ANKRD42: variants seen among roughly 807,000 people sequenced by gnomAD.
ANKRD42 encodes the protein ankyrin repeat domain-containing protein 42.
ANKRD42 carries 43 observed loss-of-function variants against 51.5 expected under a neutral mutation model. The ratio of observed to expected loss-of-function variants is 0.83; its 90% CI spans 0.65 to 1.08. ANKRD42 has a LOEUF of 1.08. ANKRD42 is among the 50% of genes least tolerant of loss of function. The pLI is 0.00. For missense variants in ANKRD42, 608 were observed against 629.3 expected, an observed-to-expected ratio of 0.97 and a Z score of 0.36; for synonymous variants, 203 against 213.0, an observed-to-expected ratio of 0.95 and a Z score of 0.41.
At chr11:83,212,894 A>T (rs993184794) in intron 5 of ANKRD42, 2 of 1,445,436 alleles carry the variant, frequency 1.4e-6, no homozygotes, top group Non-Finnish European at 9.1e-7. Context: ...TTTACTTTGT[A>T]TTTTGTAAGT....
intron 6 of ANKRD42, among the ~76,000 whole-genome samples, chr11:83,225,767 C>T (rs1181384384): frequency 7.6e-4 from 82 of 108,364 alleles, no homozygotes; most frequent in African/African-American, 2.7e-3. Flanking sequence ...GCAGCAAGAG[C>T]GAAACTCCAT....
downstream of ANKRD42, among the ~76,000 whole-genome samples, chr11:83,250,894 A>G (rs1247228905): frequency 6.6e-5 from 10 of 152,158 alleles, no homozygotes; most frequent in African/African-American, 2.2e-4. Context: ...TTAGGTTTCT[A>G]TATCTTTCTA....
Position 83,193,948 on chromosome 11 carries a change from A to T in ANKRD42, c.-723A>T, listed in dbSNP as rs987821436. 7 of 456,040 alleles carry T rather than the reference A, an allele frequency of 1.5e-5. No homozygotes were observed. Among genetic ancestry groups the T allele is most frequent in the Non-Finnish European group, 3.1e-5 (7 of 226,612 alleles). The allele number at this position is 456,040 out of a possible 1,614,324, so 28.2% of individuals were successfully genotyped here. The stretch of plus-strand genomic sequence containing the variant: ...AAGAGTTAGCGACGACGGGGAAAGA[A>T]AATGTGAAGAGAGCGACCGCCGCTC... On this transcript the variant is annotated 5_prime_UTR_variant, in exon 1 of 11. Transcript: ENST00000533342.
At chr11:83,213,343 C>T in intron 5 of ANKRD42, 1 of 1,581,458 alleles carries the variant, frequency 6.3e-7, no homozygotes, top group Non-Finnish European at 8.6e-7. Flanking sequence ...AAGAGCTGCC[C>T]AGCTGTCCAT....
At position 83,209,536 on chromosome 11, in the gene ANKRD42, T is replaced by G. The variant is rs7106345; in HGVS notation, c.331-764T>G. 5.7e-3 allele frequency: 5,867 copies of G among 1,027,008 alleles called. 177 individuals are homozygous for G. In the African/African-American group the frequency reaches 0.069, roughly 12 times the overall value. 63.6% of individuals were successfully genotyped at this position (1,027,008 alleles called of 1,614,324 possible). ...TGTCTGAATCTGAATGGAGGAATCTTGGCGTTCAGCAGAGTCAGGGATGGG... is the reference window on the plus strand; with the variant it reads ...TGTCTGAATCTGAATGGAGGAATCTGGGCGTTCAGCAGAGTCAGGGATGGG... On this transcript the variant is annotated intron_variant, in intron 3 of 10. Transcript: ENST00000533342.
Position 83,203,394 on chromosome 11 carries a change from CT to C in ANKRD42, c.223-2647del, listed in dbSNP as rs1246391612. ...CTCCTAAGTTTTCCTTTTTTTCTTT[CT>C]TTTTTTTTTTTTTTTTGAGAGGGAG... is the stretch of plus-strand genomic sequence containing the variant. On this transcript the variant is annotated intron_variant, in intron 2 of 10. Transcript: ENST00000533342. Among the ~76,000 whole-genome samples the C allele has an allele frequency of 9.8e-3, 1,274 of 129,654 alleles. 13 individuals are homozygous for C. Among genetic ancestry groups the C allele is most frequent in the African/African-American group, 0.03 (1,045 of 35,380 alleles). 85.1% of individuals were successfully genotyped at this position (129,654 alleles called of 152,430 possible). A position where few individuals can be genotyped will look rare whatever the true frequency, so the allele number is the denominator to read the frequency against.
chr11:83,223,571 A>G (rs1266303158), intron 5 of ANKRD42, among the ~76,000 whole-genome samples: 1 of 152,178 alleles, frequency 6.6e-6, no homozygotes, highest in Non-Finnish European at 1.5e-5. Flanking sequence ...GGGAGATAAT[A>G]TAAGGTAAAT....
chr11:83,236,684 T>C (rs935948628), intron 8 of ANKRD42, among the ~76,000 whole-genome samples, 175 bp downstream of exon 8: 1 of 152,248 alleles, frequency 6.6e-6, no homozygotes, highest in Non-Finnish European at 1.5e-5. Context: ...GCTTTTCTTT[T>C]TCAAGCAGTA....
In ANKRD42 at chr11:83,229,176, A is replaced by G. The variant is rs796343769; in HGVS notation, c.913+1304A>G. On this transcript the variant is annotated intron_variant, in intron 7 of 10. Coordinates refer to ENST00000533342, the MANE Select transcript of ANKRD42 (RefSeq NM_001300975.2). ...TGCTGCCTTCTTGCTATACCCTCAC[A>G]TAGTCTTTCCTCTGTGCATGACCAT... 7.2e-5 allele frequency among the ~76,000 whole-genome samples: 11 copies of G among 151,880 alleles called. 1 individual carries two copies. Among genetic ancestry groups the G allele is most frequent in the African/African-American group, 2.4e-4 (10 of 41,408 alleles).
At position 83,210,387 on chromosome 11, in the gene ANKRD42, T is replaced by C; in HGVS notation, c.418T>C (p.Phe140Leu). The stretch of plus-strand genomic sequence containing the variant: ...TCTTGCTGCAACTCATGGACATTCT[T>C]TCACTTTACAAATAATGCTCCGAAG... ...LHLAATHGHS[F>L]TLQIMLRSGV... Residue 140 changes from phenylalanine (F) to leucine (L), a missense_variant, in exon 4 of 11, where the codon TTC becomes CTC. Phe to Leu is a conservative substitution (Grantham distance 22). Transcript: ENST00000533342. 3 of 1,614,050 alleles carry C rather than the reference T, an allele frequency of 1.9e-6. No homozygotes were observed. Among genetic ancestry groups the C allele is most frequent in the South Asian group, 1.1e-5 (1 of 91,086 alleles).
chr11:83,251,272 C>G (rs1223998696), downstream of ANKRD42, among the ~76,000 whole-genome samples: 3 of 152,134 alleles, frequency 2.0e-5, no homozygotes, highest in East Asian at 5.8e-4. Flanking sequence ...ATCTCTCCTT[C>G]TATCAAGCAC....
chr11:83,250,874 C>T (rs1863662516), downstream of ANKRD42, among the ~76,000 whole-genome samples: 1 of 152,148 alleles, frequency 6.6e-6, no homozygotes, highest in Non-Finnish European at 1.5e-5. Context: ...ACTTTCACTG[C>T]TTCCCTAGTT....
chr11:83,212,721 C>T (rs1365049009), intron 5 of ANKRD42: 4 of 1,536,064 alleles, frequency 2.6e-6, no homozygotes, highest in South Asian at 2.4e-5. Flanking sequence ...TAATTTGGCA[C>T]CTACCTACCT....
intron 7 of ANKRD42, among the ~76,000 whole-genome samples, chr11:83,228,170 G>A (rs547300776): frequency 7.1e-6 from 1 of 141,602 alleles, no homozygotes; most frequent in East Asian, 2.2e-4. Context: ...AGTTTCTTAG[G>A]ATAACATTTT....
At chr11:83,226,158 C>A (rs535837708) in intron 6 of ANKRD42, among the ~76,000 whole-genome samples, 1 of 152,240 alleles carries the variant, frequency 6.6e-6, no homozygotes, top group Non-Finnish European at 1.5e-5. Context: ...AGATGTGGAA[C>A]TTGCAGGTAT....
intron 5 of ANKRD42, chr11:83,214,683 G>A: frequency 2.3e-6 from 1 of 438,622 alleles, no homozygotes; most frequent in Non-Finnish European, 3.0e-6. Flanking sequence ...ATCAAATCAA[G>A]GTAATTGGGG....
chr11:83,263,649 G>C (rs181377597), downstream of ANKRD42, among the ~76,000 whole-genome samples: 179 of 152,292 alleles, frequency 1.2e-3, 1 homozygote, highest in Non-Finnish European at 2.2e-3. Context: ...GACCCACGAT[G>C]AACCATTCAG....
intron 9 of ANKRD42, among the ~76,000 whole-genome samples, chr11:83,241,979 A>G (rs1863400128): frequency 6.6e-6 from 1 of 152,202 alleles, no homozygotes; most frequent in Non-Finnish European, 1.5e-5. Context: ...ACTAAATTAG[A>G]ATTGTACAAG....
Position 83,194,639 on chromosome 11 carries a change from C to T in ANKRD42, c.-32C>T. On this transcript the variant is annotated 5_prime_UTR_variant, in exon 1 of 11. Coordinates refer to ENST00000533342, the MANE Select transcript of ANKRD42 (RefSeq NM_001300975.2). Reference sequence around the variant, plus strand: ...CGCCGCAGCATCAGGGGCCTGGACTCAACTCCTCCCCAGAGTCGGAGGTGT... The same window carrying T: ...CGCCGCAGCATCAGGGGCCTGGACTTAACTCCTCCCCAGAGTCGGAGGTGT... 1 of 1,612,410 alleles carries T rather than the reference C, an allele frequency of 6.2e-7. No individual in the cohort carries two copies. The highest frequency in any genetic ancestry group is 1.7e-5 in the Admixed American group (1 of 59,998).
Sources: gnomAD v4.1 joint callset for allele counts (sites outside exome capture counted in the v4.1 genomes callset) on GRCh38, gnomAD v4.1.1 for gene constraint, MANE v1.5 for transcripts, NCBI Gene and HGNC (gene_info 2026-07-23, HGNC 2026-07-21) for gene names.